PTPRT: variants seen among roughly 807,000 people sequenced by gnomAD.
PTPRT encodes the protein receptor-type tyrosine-protein phosphatase T.
PTPRT carries 56 observed loss-of-function variants against 176.8 expected under a neutral mutation model. That is an observed-to-expected ratio of 0.32 (90% CI 0.26 to 0.40). PTPRT has a LOEUF of 0.40. Among genes scored for constraint, PTPRT ranks in the 10% least tolerant of loss-of-function variants. The pLI, the probability that PTPRT is intolerant of heterozygous loss-of-function variation, is 1.00. For missense variants in PTPRT, 1,540 were observed against 1,908.2 expected, an observed-to-expected ratio of 0.81 and a Z score of 3.60; for synonymous variants, 783 against 739.0, an observed-to-expected ratio of 1.06 and a Z score of -0.96.
intron 1 of PTPRT, among the ~76,000 whole-genome samples, chr20:42,931,597 T>A (rs142720733): frequency 6.6e-6 from 1 of 152,268 alleles, no homozygotes; most frequent in East Asian, 1.9e-4. Context: ...TAGAACCTTC[T>A]CATAGAAGAG....
chr20:42,410,016 T>G (rs2058998297), intron 9 of PTPRT, among the ~76,000 whole-genome samples: 1 of 152,020 alleles, frequency 6.6e-6, no homozygotes, highest in South Asian at 2.1e-4. Flanking sequence ...TTCAAAGAAG[T>G]CAAAATCTCG....
At chr20:42,163,445 A>T (rs1391813382) in intron 16 of PTPRT, among the ~76,000 whole-genome samples, 1 of 152,196 alleles carries the variant, frequency 6.6e-6, no homozygotes, top group Non-Finnish European at 1.5e-5. Flanking sequence ...TTTAGGTAAT[A>T]GCTAGTACAT....
chr20:43,023,831 T>C (rs76331510), intron 1 of PTPRT, among the ~76,000 whole-genome samples: 3,727 of 152,236 alleles, frequency 0.024, 164 homozygotes, highest in African/African-American at 0.085. Context: ...GCCTCACCCT[T>C]TACCCCAGAT....
intron 7 of PTPRT, among the ~76,000 whole-genome samples, chr20:42,561,317 G>A (rs2072947829): frequency 6.6e-6 from 1 of 152,216 alleles, no homozygotes; most frequent in South Asian, 2.1e-4. Flanking sequence ...TAGGGCTGAG[G>A]CCAAGGGCAG....
intron 9 of PTPRT, among the ~76,000 whole-genome samples, chr20:42,405,934 A>T (rs1043177801): frequency 4.6e-5 from 7 of 152,218 alleles, no homozygotes; most frequent in Non-Finnish European, 1.0e-4. Context: ...ATTAAAAAGA[A>T]AGCCTTAACT....
chr20:42,154,840 A>AAGGTGGGAG (rs1989282144), intron 17 of PTPRT, among the ~76,000 whole-genome samples: 1 of 152,086 alleles, frequency 6.6e-6, no homozygotes, highest in South Asian at 2.1e-4. Context: ...GTAACAGGGG[A>AAGGTGGGAG]AGGTGGGAGA....
At chr20:43,164,865 C>G (rs562076934) in intron 1 of PTPRT, among the ~76,000 whole-genome samples, 1 of 152,110 alleles carries the variant, frequency 6.6e-6, no homozygotes, top group Admixed American at 6.5e-5. Flanking sequence ...ATGTAAAAAC[C>G]TTTCTTAGTT....
At chr20:42,211,300 T>A (rs1248123992) in intron 15 of PTPRT, among the ~76,000 whole-genome samples, 2 of 151,026 alleles carry the variant, frequency 1.3e-5, no homozygotes, top group African/African-American at 4.9e-5. Context: ...ACAAATGGGA[T>A]CTAATTAAAC....
At chr20:43,121,981 C>T (rs1313497754) in intron 1 of PTPRT, among the ~76,000 whole-genome samples, 3 of 152,214 alleles carry the variant, frequency 2.0e-5, no homozygotes, top group Non-Finnish European at 1.5e-5. Context: ...AAAATTCAAA[C>T]TCTGTCTGGG....
chr20:42,857,114 C>A (rs2078577612), intron 2 of PTPRT, among the ~76,000 whole-genome samples: 1 of 152,212 alleles, frequency 6.6e-6, no homozygotes, highest in African/African-American at 2.4e-5. Context: ...TTCCCATCGG[C>A]AATGTACAAG....
chr20:42,825,352 G>A (rs960097623), intron 2 of PTPRT, among the ~76,000 whole-genome samples: 33 of 151,944 alleles, frequency 2.2e-4, no homozygotes, highest in Non-Finnish European at 4.0e-4. Context: ...GTGTAAGGAC[G>A]TAATTAAATA....
chr20:42,271,868 C>T (rs1338971509), intron 13 of PTPRT, among the ~76,000 whole-genome samples: 1 of 152,100 alleles, frequency 6.6e-6, no homozygotes, highest in African/African-American at 2.4e-5. Context: ...TAGAGTATTC[C>T]AGACCAACTG....
intron 7 of PTPRT, among the ~76,000 whole-genome samples, chr20:42,500,776 G>T (rs1212975147): frequency 6.6e-6 from 1 of 151,890 alleles, no homozygotes; most frequent in Non-Finnish European, 1.5e-5. Flanking sequence ...ATTTATAAGG[G>T]GTATTTTTAG....
intron 9 of PTPRT, among the ~76,000 whole-genome samples, chr20:42,440,958 C>A (rs2059311032): frequency 6.6e-6 from 1 of 152,184 alleles, no homozygotes; most frequent in Admixed American, 6.5e-5. Context: ...TGAAGCTCCC[C>A]TATGTTATGG....
chr20:42,572,342 C>T (rs571799252), intron 7 of PTPRT, among the ~76,000 whole-genome samples: 2 of 152,286 alleles, frequency 1.3e-5, no homozygotes, highest in South Asian at 4.2e-4. Flanking sequence ...TTACTCTTTG[C>T]ATAAAGAAAA....
intron 7 of PTPRT, among the ~76,000 whole-genome samples, chr20:42,574,220 C>T (rs1056622162): frequency 6.6e-6 from 1 of 152,112 alleles, no homozygotes; most frequent in Non-Finnish European, 1.5e-5. Context: ...GTCAAAAACC[C>T]GTGAGTCTGA....
intron 6 of PTPRT, among the ~76,000 whole-genome samples, chr20:42,730,230 G>A (rs1196567800): frequency 1.3e-5 from 2 of 152,204 alleles, no homozygotes; most frequent in African/African-American, 2.4e-5. Flanking sequence ...TTCTCCAGGA[G>A]GGTGCTCTGA....
At chr20:42,095,038 T>C (rs944397821) in intron 27 of PTPRT, among the ~76,000 whole-genome samples, 6 of 152,102 alleles carry the variant, frequency 3.9e-5, no homozygotes, top group Non-Finnish European at 7.4e-5. Flanking sequence ...GATTCCTCTT[T>C]CTCTCTCTTA....
intron 2 of PTPRT, among the ~76,000 whole-genome samples, chr20:42,835,247 C>T (rs1199321793): frequency 2.0e-5 from 3 of 152,122 alleles, no homozygotes; most frequent in Non-Finnish European, 2.9e-5. Flanking sequence ...ATGAGATTAA[C>T]ACTTTTGAGG....
Sources: allele counts gnomAD v4.1 joint callset (sites outside exome capture counted in the v4.1 genomes callset), GRCh38; gene constraint gnomAD v4.1.1; transcripts MANE v1.5; gene names NCBI Gene and HGNC (gene_info 2026-07-23, HGNC 2026-07-21).